ADAM18: variants seen among roughly 807,000 people sequenced by gnomAD.
ADAM18 encodes disintegrin and metalloproteinase domain-containing protein 18.
Under a neutral mutation model 94.4 loss-of-function variants are expected in ADAM18, and 117 were observed. The ratio of observed to expected loss-of-function variants is 1.24; its 90% CI spans 1.07 to 1.45. ADAM18 has a LOEUF of 1.45. Among genes scored for constraint, ADAM18 ranks in the 40% most tolerant of loss-of-function variants. The pLI is 0.00. For missense variants in ADAM18, 936 were observed against 880.0 expected (o/e 1.06, Z -0.81); for synonymous variants, 327 against 291.6 (o/e 1.12, Z -1.24).
At chr8:39,701,763 G>T (rs1186051344) in intron 17 of ADAM18, among the ~76,000 whole-genome samples, 1 of 152,180 alleles carries the variant, frequency 6.6e-6, no homozygotes, top group East Asian at 1.9e-4. Context: ...TCCTGTGTTT[G>T]TTTGCCAAGG....
chr8:39,639,603 A>C (rs3864654), intron 10 of ADAM18, among the ~76,000 whole-genome samples: 99,304 of 151,682 alleles, frequency 0.65, 33,230 homozygotes, highest in African/African-American at 0.74. Flanking sequence ...TAATTATATA[A>C]CTCATTTGAA....
intron 18 of ADAM18, among the ~76,000 whole-genome samples, chr8:39,715,122 T>G (rs1051459771): frequency 6.6e-6 from 1 of 152,086 alleles, no homozygotes; most frequent in East Asian, 1.9e-4. Flanking sequence ...AATCCTACTA[T>G]GTATGTTCTG....
At chr8:39,637,461 GTTGT>G (rs1024749886) in intron 8 of ADAM18, 72 bp from the exon 9 acceptor site, 13 of 1,420,588 alleles carry the variant, frequency 9.2e-6, no homozygotes, top group African/African-American at 1.5e-5. Context: ...ACTGGAACAT[GTTGT>G]TTATTTTTTA....
At chr8:39,670,545 T>G (rs1821125263) in intron 14 of ADAM18, among the ~76,000 whole-genome samples, 1 of 152,198 alleles carries the variant, frequency 6.6e-6, no homozygotes, top group Admixed American at 6.5e-5. Context: ...GAAATATAAG[T>G]AGATTTGCTT....
At chr8:39,634,528 T>A (rs529313295) in intron 7 of ADAM18, among the ~76,000 whole-genome samples, 1 of 152,302 alleles carries the variant, frequency 6.6e-6, no homozygotes, top group East Asian at 1.9e-4. Flanking sequence ...CACCCCAATG[T>A]GTCTCATGGG....
chr8:39,601,666 G>GA (rs1487210440), intron 2 of ADAM18, among the ~76,000 whole-genome samples: 2 of 151,992 alleles, frequency 1.3e-5, no homozygotes, highest in Non-Finnish European at 2.9e-5. Flanking sequence ...TTAGAAAAAT[G>GA]TATTGTACAA....
At chr8:39,711,124 T>A (rs1822383767) in intron 18 of ADAM18, among the ~76,000 whole-genome samples, 1 of 152,170 alleles carries the variant, frequency 6.6e-6, no homozygotes, top group Admixed American at 6.5e-5. Context: ...TTCCAAAAAG[T>A]CACTGTCAAA....
At chr8:39,629,811 TTAGA>T (rs1255232439) in intron 7 of ADAM18, among the ~76,000 whole-genome samples, 2 of 151,978 alleles carry the variant, frequency 1.3e-5, no homozygotes, top group Non-Finnish European at 2.9e-5. Context: ...TTTAGGGGTG[TTAGA>T]TAAATCAACA....
chr8:39,716,905 T>C (rs976228745), intron 18 of ADAM18, among the ~76,000 whole-genome samples: 4 of 151,936 alleles, frequency 2.6e-5, no homozygotes, highest in Admixed American at 6.6e-5. Context: ...ATGTCATACC[T>C]TTCTGGTGCA....
chr8:39,684,546 G>T (rs540155951), intron 16 of ADAM18, among the ~76,000 whole-genome samples: 88 of 152,232 alleles, frequency 5.8e-4, no homozygotes, highest in African/African-American at 2.1e-3. Context: ...GGTTGGAATT[G>T]TGTGTCTGGG....
chr8:39,617,347 TACTC>T (rs945037943), intron 6 of ADAM18, among the ~76,000 whole-genome samples: 2 of 152,156 alleles, frequency 1.3e-5, no homozygotes, highest in Admixed American at 1.3e-4. Flanking sequence ...AAGTTACAGA[TACTC>T]ACGAGGCTGT....
chr8:39,696,294 C>G (rs1472514384), intron 17 of ADAM18, among the ~76,000 whole-genome samples: 13 of 73,264 alleles, frequency 1.8e-4, no homozygotes, highest in African/African-American at 8.0e-4. Flanking sequence ...AATTCCTTAT[C>G]ATATATGTGA....
At chr8:39,644,233 C>T (rs962642625) in intron 10 of ADAM18, among the ~76,000 whole-genome samples, 1 of 151,946 alleles carries the variant, frequency 6.6e-6, no homozygotes, top group Non-Finnish European at 1.5e-5. Flanking sequence ...ATGAAAAACA[C>T]TTTGAGTCCA....
At chr8:39,629,307 G>A (rs1819865630) in intron 6 of ADAM18, 67 bp from the exon 7 acceptor site, 3 of 1,261,536 alleles carry the variant, frequency 2.4e-6, no homozygotes, top group East Asian at 2.6e-5. Flanking sequence ...GTCTTTACAT[G>A]TCATCTTTTT....
At chr8:39,607,017 C>T (rs1420747308) in intron 3 of ADAM18, among the ~76,000 whole-genome samples, 2 of 148,774 alleles carry the variant, frequency 1.3e-5, no homozygotes, top group South Asian at 2.1e-4. Flanking sequence ...TGGATGTATA[C>T]GACAAGTTAC....
At chr8:39,714,682 A>G (rs1822518324) in intron 18 of ADAM18, among the ~76,000 whole-genome samples, 1 of 152,036 alleles carries the variant, frequency 6.6e-6, no homozygotes, top group Non-Finnish European at 1.5e-5. Flanking sequence ...GACTAGTCTA[A>G]CTCCCTTCTC....
At chr8:39,607,191 C>T (rs1456090107) in intron 3 of ADAM18, among the ~76,000 whole-genome samples, 2 of 152,118 alleles carry the variant, frequency 1.3e-5, no homozygotes, top group African/African-American at 4.8e-5. Context: ...ACTGTTGCCA[C>T]CATCAAATAT....
rs1314290873 is a variant in ADAM18, at chr8:39,729,945, G to T, written c.*5G>T. ...AGCGATGACGTGGGACATTAATATT[G>T]CACAGAACTTCCATAGCAAATAACC... On this transcript the variant is annotated 3_prime_UTR_variant, in exon 20 of 20. Transcript: ENST00000265707. 1 of 1,611,646 alleles carries T rather than the reference G, an allele frequency of 6.2e-7. No individual in the cohort carries two copies. The highest frequency in any genetic ancestry group is 1.1e-5 in the South Asian group (1 of 91,010).
At chr8:39,696,799 A>C (rs1388732923) in intron 17 of ADAM18, among the ~76,000 whole-genome samples, 1 of 151,576 alleles carries the variant, frequency 6.6e-6, no homozygotes, top group Non-Finnish European at 1.5e-5. Flanking sequence ...AGGAAGTATA[A>C]GTTATTCAAC....
Sources: allele counts gnomAD v4.1 joint callset (sites outside exome capture counted in the v4.1 genomes callset), GRCh38; gene constraint gnomAD v4.1.1; transcripts MANE v1.5; gene names NCBI Gene and HGNC (gene_info 2026-07-23, HGNC 2026-07-21).